SLIT2: variants seen among roughly 807,000 people sequenced by gnomAD.
The protein encoded by SLIT2 is slit guidance ligand 2, also known as slit homolog 2 protein.
A neutral mutation model predicts 185.7 loss-of-function variants in SLIT2; 41 were observed. That is an observed-to-expected ratio of 0.22 (90% CI 0.17 to 0.29). The LOEUF (loss-of-function observed/expected upper bound fraction) is 0.29. Ranked by LOEUF, SLIT2 falls within the 10% of genes least tolerant of loss-of-function variation. SLIT2 has a pLI of 1.00. For synonymous variants in SLIT2, 693 were observed against 680.2 expected (o/e 1.02, Z -0.29); for missense variants, 1,571 against 1,909.0 (o/e 0.82, Z 3.30).
intron 18 of SLIT2, among the ~76,000 whole-genome samples, chr4:20,535,945 A>G (rs11728017): frequency 0.29 from 43,788 of 151,972 alleles, 6,599 homozygotes; most frequent in Middle Eastern, 0.42. Flanking sequence ...AACCTAGATG[A>G]TATGGCCTAC....
chr4:20,581,377 G>A (rs1051535472), intron 29 of SLIT2, among the ~76,000 whole-genome samples: 1 of 152,144 alleles, frequency 6.6e-6, no homozygotes, highest in Non-Finnish European at 1.5e-5. Flanking sequence ...ACAACCTGGG[G>A]TACTAGAGGA....
At chr4:20,342,549 C>T (rs941327256) in intron 4 of SLIT2, among the ~76,000 whole-genome samples, 1 of 151,836 alleles carries the variant, frequency 6.6e-6, no homozygotes, top group Non-Finnish European at 1.5e-5. Context: ...TAAAGTATTA[C>T]CTAGGATAGA....
At chr4:20,423,430 A>G (rs1271942134) in intron 4 of SLIT2, among the ~76,000 whole-genome samples, 2 of 152,104 alleles carry the variant, frequency 1.3e-5, no homozygotes, top group Non-Finnish European at 2.9e-5. Context: ...TCAGGAAATT[A>G]TAAATTATAA....
At chr4:20,371,409 A>G (rs554701090) in intron 4 of SLIT2, among the ~76,000 whole-genome samples, 1 of 152,086 alleles carries the variant, frequency 6.6e-6, no homozygotes, top group Non-Finnish European at 1.5e-5. Flanking sequence ...AAAACAGTAA[A>G]TCATGTTTCT....
chr4:20,283,113 C>T (rs112485532), intron 4 of SLIT2, among the ~76,000 whole-genome samples: 226 of 117,382 alleles, frequency 1.9e-3, no homozygotes, highest in South Asian at 8.2e-3. Context: ...TGCCTGTGTG[C>T]GCGCGCGCAC....
At chr4:20,544,836 G>T (rs573032936) in intron 21 of SLIT2, among the ~76,000 whole-genome samples, 5 of 152,036 alleles carry the variant, frequency 3.3e-5, no homozygotes, top group Non-Finnish European at 7.4e-5. Context: ...GTGTTTTCTG[G>T]AATAAAGGGA....
intron 3 of SLIT2, among the ~76,000 whole-genome samples, chr4:20,268,427 A>G (rs763543193): frequency 4.0e-5 from 6 of 151,750 alleles, no homozygotes; most frequent in Non-Finnish European, 7.4e-5. Flanking sequence ...TTTTAGGCCA[A>G]TTGGGACTGT....
chr4:20,353,579 A>G (rs1722057232), intron 4 of SLIT2, among the ~76,000 whole-genome samples: 1 of 152,180 alleles, frequency 6.6e-6, no homozygotes, highest in African/African-American at 2.4e-5. Context: ...TACATTATTT[A>G]TTACACCGTA....
intron 4 of SLIT2, among the ~76,000 whole-genome samples, chr4:20,420,910 C>G (rs888218876): frequency 1.3e-5 from 2 of 151,992 alleles, no homozygotes; most frequent in African/African-American, 4.8e-5. Context: ...AAAGCCCTTG[C>G]CAGAAACAGA....
rs1332176687 is a variant in SLIT2, at chr4:20,491,794, T to G, written c.809T>G (p.Val270Gly). ...TCATTTATGGCTCCTTCTTGTAGTG[T>G]TTTGCACTGCCCTGCCGCCTGTACC... ...HQSFMAPSCS[V>G]LHCPAACTCS... Residue 270 changes from valine to glycine, a missense_variant, in exon 9 of 37, where the codon GTT becomes GGT. Val to Gly is a moderately radical substitution (Grantham distance 109). Coordinates refer to ENST00000504154, the MANE Select transcript of SLIT2 (RefSeq NM_004787.4). The G allele has an allele frequency of 1.9e-6, 3 of 1,613,836 alleles. No individual in the cohort carries two copies. Among genetic ancestry groups the G allele is most frequent in the Admixed American group, 1.7e-5 (1 of 60,004 alleles).
At chr4:20,333,158 A>T (rs950680341) in intron 4 of SLIT2, among the ~76,000 whole-genome samples, 4 of 152,156 alleles carry the variant, frequency 2.6e-5, no homozygotes, top group Admixed American at 6.5e-5. Context: ...ACATATTGAA[A>T]TGAAAGCCGT....
At chr4:20,605,645 C>T (rs1020004946) in intron 33 of SLIT2, among the ~76,000 whole-genome samples, 1 of 152,088 alleles carries the variant, frequency 6.6e-6, no homozygotes, top group Non-Finnish European at 1.5e-5. Context: ...TGGATTATGG[C>T]TTTCTAGCTC....
At chr4:20,540,715 G>A (rs923178781) in intron 19 of SLIT2, among the ~76,000 whole-genome samples, 1 of 151,136 alleles carries the variant, frequency 6.6e-6, no homozygotes, top group Admixed American at 6.6e-5. Flanking sequence ...TCAAGTCAGT[G>A]AAGAAATAAT....
At chr4:20,560,100 C>T (rs1724580393) in intron 26 of SLIT2, among the ~76,000 whole-genome samples, 1 of 151,834 alleles carries the variant, frequency 6.6e-6, no homozygotes, top group South Asian at 2.1e-4. Context: ...TTGAGGTTTA[C>T]ATATTTTAAC....
chr4:20,462,382 C>G (rs1348707644), intron 4 of SLIT2, among the ~76,000 whole-genome samples: 1 of 152,208 alleles, frequency 6.6e-6, no homozygotes, highest in East Asian at 1.9e-4. Context: ...GTTTTCTTGT[C>G]TTCAATCCTA....
intron 4 of SLIT2, among the ~76,000 whole-genome samples, chr4:20,288,993 T>C (rs1477295822): frequency 1.3e-5 from 2 of 152,198 alleles, no homozygotes; most frequent in Non-Finnish European, 2.9e-5. Context: ...AGAAAGGGCA[T>C]GTGTTGATTG....
chr4:20,523,723 T>C, intron 12 of SLIT2, 37 bp from the exon 13 acceptor site: 3 of 1,596,020 alleles, frequency 1.9e-6, no homozygotes, highest in Non-Finnish European at 2.6e-6. Context: ...GTTAATAAGA[T>C]GCTACACTTT....
intron 3 of SLIT2, among the ~76,000 whole-genome samples, chr4:20,262,505 T>G (rs1056515343): frequency 5.3e-5 from 8 of 151,888 alleles, no homozygotes; most frequent in African/African-American, 1.9e-4. Flanking sequence ...ACATACCTTT[T>G]CTTAACAGAA....
intron 30 of SLIT2, among the ~76,000 whole-genome samples, chr4:20,593,735 A>G (rs1727700035): frequency 1.3e-5 from 2 of 152,138 alleles, no homozygotes; most frequent in South Asian, 2.1e-4. Flanking sequence ...TACCATGTAC[A>G]TCTTTAAAAT....
Sources: allele counts gnomAD v4.1 joint callset (sites outside exome capture counted in the v4.1 genomes callset), GRCh38; gene constraint gnomAD v4.1.1; transcripts MANE v1.5; gene names NCBI Gene and HGNC (gene_info 2026-07-23, HGNC 2026-07-21).